The following RIPOR3 variants were observed in gnomAD, a reference collection of about 807,000 sequenced individuals.
RIPOR3 encodes family with sequence similarity 65 member C.
Under a neutral mutation model 114.3 loss-of-function variants are expected in RIPOR3, and 95 were observed. The ratio of observed to expected loss-of-function variants is 0.83; its 90% CI spans 0.70 to 0.99. The LOEUF is 0.99. RIPOR3 is among the 50% of genes least tolerant of loss of function. RIPOR3 has a pLI of 0.00. For synonymous variants in RIPOR3, 575 were observed against 543.8 expected (o/e 1.06, Z -0.80); for missense variants, 1,252 against 1,266.9 (o/e 0.99, Z 0.18).
chr20:50,679,861 G>A lies in RIPOR3; in HGVS notation c.3+11265C>T, dbSNP rs1489153987. Among the ~76,000 whole-genome samples the A allele has an allele frequency of 4.6e-5, 7 of 152,208 alleles. No homozygotes were observed. The East Asian group carries it at 7.7e-4, about 17-fold the overall frequency. ...AGTCCCAGCTACCCAGGAGGCTGAAGTGGGAGGATCACCCGAGCTCAGGAG... is the reference window on the plus strand; with the variant it reads ...AGTCCCAGCTACCCAGGAGGCTGAAATGGGAGGATCACCCGAGCTCAGGAG... On this transcript the variant is annotated intron_variant, in intron 1 of 21. Transcript: ENST00000327979.
intron 2 of RIPOR3, among the ~76,000 whole-genome samples, chr20:50,621,626 T>C (rs2084407578): frequency 1.3e-5 from 2 of 152,104 alleles, no homozygotes; most frequent in Non-Finnish European, 2.9e-5. Flanking sequence ...CTGGGGAACA[T>C]ATACCTGGGA....
chr20:50,587,396 G>A, intron 21 of RIPOR3, 64 bp from the exon 22 acceptor site: 3 of 1,400,128 alleles, frequency 2.1e-6, no homozygotes, highest in Non-Finnish European at 3.0e-6. Flanking sequence ...ACTCTCCTGG[G>A]CCAGGGTGGC....
At chr20:50,626,235 G>T (rs2084615071) in intron 2 of RIPOR3, among the ~76,000 whole-genome samples, 1 of 152,248 alleles carries the variant, frequency 6.6e-6, no homozygotes, top group Admixed American at 6.5e-5. Context: ...CCGTCGGTGT[G>T]GGCAGCTTCT....
intron 17 of RIPOR3, among the ~76,000 whole-genome samples, chr20:50,593,935 C>T (rs1390979647): frequency 1.3e-5 from 2 of 152,010 alleles, no homozygotes; most frequent in South Asian, 2.1e-4. Flanking sequence ...TCATTCTTTA[C>T]CCGTCAGGCT....
intron 1 of RIPOR3, among the ~76,000 whole-genome samples, chr20:50,634,099 A>G (rs910416240): frequency 3.3e-5 from 5 of 149,502 alleles, no homozygotes; most frequent in African/African-American, 1.2e-4. Flanking sequence ...CTCCCACATC[A>G]GCCTTTCACG....
At chr20:50,594,857 CCATGTGA>C in intron 16 of RIPOR3, 143 bp from the exon 17 acceptor site, 2 of 910,590 alleles carry the variant, frequency 2.2e-6, no homozygotes, top group South Asian at 3.7e-5. Context: ...CCCTGCATTC[CCATGTGA>C]CACGTGAGCA....
chr20:50,606,975 C>G (rs896544847), intron 11 of RIPOR3, among the ~76,000 whole-genome samples: 4 of 152,178 alleles, frequency 2.6e-5, no homozygotes, highest in African/African-American at 9.7e-5. Flanking sequence ...GGTGATCTGC[C>G]CACCTACGCC....
intron 1 of RIPOR3, among the ~76,000 whole-genome samples, chr20:50,686,208 C>T (rs2087017445): frequency 6.6e-6 from 1 of 151,906 alleles, no homozygotes; most frequent in South Asian, 2.1e-4. Context: ...AGGCGCCCAC[C>T]ACCATGCCCA....
intron 1 of RIPOR3, among the ~76,000 whole-genome samples, chr20:50,651,235 T>C (rs968493937): frequency 1.3e-5 from 2 of 152,118 alleles, no homozygotes; most frequent in African/African-American, 4.8e-5. Context: ...CAGTGACAGC[T>C]AGGAAGGAAA....
chr20:50,615,814 C>T (rs1251320203), intron 4 of RIPOR3, among the ~76,000 whole-genome samples, 188 bp downstream of exon 4: 2 of 152,174 alleles, frequency 1.3e-5, no homozygotes, highest in Non-Finnish European at 2.9e-5. Flanking sequence ...GTGACATGGG[C>T]CTAAAACGTG....
chr20:50,637,223 A>T (rs2085018866), intron 1 of RIPOR3, among the ~76,000 whole-genome samples: 1 of 152,122 alleles, frequency 6.6e-6, no homozygotes, highest in South Asian at 2.1e-4. Context: ...TGGACCACCC[A>T]AAGGCGACTG....
chr20:50,611,724 A>G (rs774609886), intron 4 of RIPOR3, among the ~76,000 whole-genome samples: 9 of 152,288 alleles, frequency 5.9e-5, no homozygotes, highest in Non-Finnish European at 1.2e-4. Flanking sequence ...CAACACAAAT[A>G]ATATATCATC....
chr20:50,674,338 T>C (rs184975935), intron 1 of RIPOR3, among the ~76,000 whole-genome samples: 262 of 152,066 alleles, frequency 1.7e-3, no homozygotes, highest in African/African-American at 5.9e-3. Flanking sequence ...TCTCTGGCCC[T>C]CAACAGAGAT....
intron 1 of RIPOR3, among the ~76,000 whole-genome samples, chr20:50,640,303 G>A (rs1401871872): frequency 6.6e-6 from 1 of 151,572 alleles, no homozygotes. Flanking sequence ...GGAGGAGCTG[G>A]CTGGATTCCT....
intron 4 of RIPOR3, among the ~76,000 whole-genome samples, chr20:50,612,124 C>CAAAAAAAAA (rs542382125): frequency 1.1e-5 from 1 of 89,214 alleles, no homozygotes; most frequent in Non-Finnish European, 2.3e-5. Context: ...GACTCCATCT[C>CAAAAAAAAA]AAAAAAAAAA....
intron 2 of RIPOR3, among the ~76,000 whole-genome samples, chr20:50,624,331 C>G (rs754646784): frequency 7.2e-5 from 11 of 152,188 alleles, no homozygotes; most frequent in Non-Finnish European, 1.0e-4. Flanking sequence ...GGTTAGGGAC[C>G]CCGGCAGGTG....
intron 1 of RIPOR3, among the ~76,000 whole-genome samples, chr20:50,644,676 C>CTTTTTTTTTTTT (rs61225138): frequency 2.7e-5 from 2 of 74,614 alleles, no homozygotes; most frequent in Non-Finnish European, 4.9e-5. Context: ...TTTTTGTTTG[C>CTTTTTTTTTTTT]TTTTTTTTTT....
chr20:50,604,540 G>C, intron 12 of RIPOR3, 105 bp downstream of exon 12: 1 of 1,441,238 alleles, frequency 6.9e-7, no homozygotes, highest in Non-Finnish European at 9.2e-7. Context: ...AGCTGAGCCC[G>C]AGGCTTGCCA....
intron 1 of RIPOR3, among the ~76,000 whole-genome samples, chr20:50,666,162 G>C (rs80013132): frequency 0.013 from 678 of 53,872 alleles, 7 homozygotes; most frequent in African/African-American, 0.027. Flanking sequence ...AAGAGGCCTA[G>C]AATACAGAGA....
Sources: gnomAD v4.1 joint callset for allele counts (sites outside exome capture counted in the v4.1 genomes callset) on GRCh38, gnomAD v4.1.1 for gene constraint, MANE v1.5 for transcripts, NCBI Gene and HGNC (gene_info 2026-07-23, HGNC 2026-07-21) for gene names.